Variants in ANKRD30BL observed in about 807,000 individuals in gnomAD.
ANKRD30BL encodes the protein putative ankyrin repeat domain-containing protein 30B-like.
In ANKRD30BL, 20 loss-of-function variants were observed where a neutral mutation model predicts 18.4. The ratio of observed to expected loss-of-function variants is 1.09; its 90% CI spans 0.77 to 1.58. ANKRD30BL has a LOEUF of 1.58. ANKRD30BL is among the 40% of genes most tolerant of loss of function. The pLI, the probability that ANKRD30BL is intolerant of heterozygous loss-of-function variation, is 0.00. For missense variants in ANKRD30BL, 224 were observed against 268.6 expected (o/e 0.83, Z 1.16); for synonymous variants, 72 against 100.9 (o/e 0.71, Z 1.72).
chr2:132,223,999 TTC>T (rs1679771246), intron 1 of ANKRD30BL, among the ~76,000 whole-genome samples: 3 of 152,090 alleles, frequency 2.0e-5, no homozygotes, highest in African/African-American at 7.2e-5. Flanking sequence ...TCTCAGAAAC[TTC>T]TTTGTGATGT....
intron 1 of ANKRD30BL, among the ~76,000 whole-genome samples, chr2:132,170,436 TGCAAACTTCCCGA>T (rs1462308313): frequency 6.6e-6 from 1 of 152,206 alleles, no homozygotes; most frequent in Non-Finnish European, 1.5e-5. Flanking sequence ...TCCTCCCCGC[TGCAAACTTCCCGA>T]GGCTCCACCT....
chr2:132,210,661 C>A (rs1350715649), intron 1 of ANKRD30BL, among the ~76,000 whole-genome samples: 1 of 151,328 alleles, frequency 6.6e-6, no homozygotes, highest in Non-Finnish European at 1.5e-5. Flanking sequence ...GTGGAATGAG[C>A]AAGTGGATAT....
intron 1 of ANKRD30BL, among the ~76,000 whole-genome samples, chr2:132,207,180 A>T (rs1679227766): frequency 1.3e-5 from 2 of 152,132 alleles, no homozygotes; most frequent in South Asian, 4.2e-4. Flanking sequence ...CCACAAAAGG[A>T]GGGGAGCCGC....
chr2:132,210,020 A>T (rs1679303287), intron 1 of ANKRD30BL, among the ~76,000 whole-genome samples: 1 of 151,796 alleles, frequency 6.6e-6, no homozygotes, highest in African/African-American at 2.4e-5. Context: ...GTGGAAAAGG[A>T]AGTATCTTCA....
intron 1 of ANKRD30BL, among the ~76,000 whole-genome samples, chr2:132,223,270 C>T (rs558667926): frequency 3.6e-4 from 54 of 151,656 alleles, no homozygotes; most frequent in South Asian, 1.5e-3. Flanking sequence ...TCGTTTGAAA[C>T]GGAAATATAT....
intron 1 of ANKRD30BL, among the ~76,000 whole-genome samples, chr2:132,257,296 G>A (rs368143235): frequency 1.4e-5 from 2 of 147,900 alleles, no homozygotes; most frequent in African/African-American, 5.0e-5. Flanking sequence ...ACCGGTCGCT[G>A]CTCTGCAGGG....
chr2:132,180,166 C>T (rs1241816422), intron 1 of ANKRD30BL, among the ~76,000 whole-genome samples: 1 of 151,672 alleles, frequency 6.6e-6, no homozygotes, highest in Non-Finnish European at 1.5e-5. Flanking sequence ...TTACCCAGAG[C>T]AATTTCCAGC....
upstream of ANKRD30BL, among the ~76,000 whole-genome samples, chr2:132,164,894 C>A (rs990610116): frequency 2.6e-5 from 4 of 152,060 alleles, no homozygotes; most frequent in Admixed American, 2.0e-4. Context: ...CACGGTGAAA[C>A]CCCGTCTCTA....
intron 1 of ANKRD30BL, among the ~76,000 whole-genome samples, chr2:132,231,079 G>A (rs537035820): frequency 4.0e-5 from 6 of 151,332 alleles, no homozygotes; most frequent in Non-Finnish European, 8.8e-5. Context: ...GAAAGAGCAG[G>A]TTTGAAACAC....
At chr2:132,243,782 C>T (rs550736137) in intron 1 of ANKRD30BL, among the ~76,000 whole-genome samples, 8 of 151,762 alleles carry the variant, frequency 5.3e-5, no homozygotes, top group Non-Finnish European at 1.2e-4. Context: ...CTATGTGATG[C>T]TTGCATTCAA....
intron 1 of ANKRD30BL, among the ~76,000 whole-genome samples, chr2:132,225,373 G>A (rs79172303): frequency 6.6e-6 from 1 of 151,988 alleles, no homozygotes; most frequent in African/African-American, 2.4e-5. Flanking sequence ...TGTGATGTTT[G>A]CCTTAAACTC....
At chr2:132,256,130 C>T (rs991895856) in intron 1 of ANKRD30BL, among the ~76,000 whole-genome samples, 4 of 152,220 alleles carry the variant, frequency 2.6e-5, no homozygotes, top group African/African-American at 4.8e-5. Flanking sequence ...ACCAGCCCTG[C>T]GTACTTAGAC....
At chr2:132,257,722 G>C (rs1680906760) in exon 1 of ANKRD30BL, 1 of 154,006 alleles carries the variant, frequency 6.5e-6, no homozygotes, top group South Asian at 2.0e-4. Context: ...CGGGCCCGCA[G>C]AGGCGCTCAG....
At chr2:132,248,800 A>G (rs34276541) in intron 1 of ANKRD30BL, among the ~76,000 whole-genome samples, 236 of 135,670 alleles carry the variant, frequency 1.7e-3, no homozygotes, top group East Asian at 3.1e-3. Flanking sequence ...CTTTTTCACC[A>G]TAGGCCTCAG....
chr2:132,199,893 C>T (rs1416258054), intron 1 of ANKRD30BL, among the ~76,000 whole-genome samples: 2 of 152,096 alleles, frequency 1.3e-5, no homozygotes, highest in Middle Eastern at 3.2e-3. Flanking sequence ...CCTTGATGAA[C>T]ATTGATGCAA....
At chr2:132,188,480 G>A (rs1678760272) in intron 1 of ANKRD30BL, among the ~76,000 whole-genome samples, 1 of 152,212 alleles carries the variant, frequency 6.6e-6, no homozygotes, top group Non-Finnish European at 1.5e-5. Context: ...ACTTTGGGAG[G>A]CTGAGGCGGG....
At chr2:132,169,951 ATTGTT>A (rs1208715402) in intron 1 of ANKRD30BL, among the ~76,000 whole-genome samples, 1 of 152,112 alleles carries the variant, frequency 6.6e-6, no homozygotes, top group Admixed American at 6.5e-5. Context: ...TTTAAATCTC[ATTGTT>A]TTAAGGATTT....
chr2:132,185,042 G>A (rs538756653), intron 1 of ANKRD30BL, among the ~76,000 whole-genome samples: 1 of 152,088 alleles, frequency 6.6e-6, no homozygotes, highest in Non-Finnish European at 1.5e-5. Context: ...TCGATCTCCT[G>A]ACCTCGTGAT....
chr2:132,221,862 G>C (rs1359281281), intron 1 of ANKRD30BL, among the ~76,000 whole-genome samples: 70 of 125,802 alleles, frequency 5.6e-4, no homozygotes, highest in Admixed American at 1.2e-3. Flanking sequence ...CGTCCGGGAG[G>C]GGGGAGGGGG....
Sources: allele counts gnomAD v4.1 joint callset (sites outside exome capture counted in the v4.1 genomes callset), GRCh38; gene constraint gnomAD v4.1.1; transcripts MANE v1.5; gene names NCBI Gene and HGNC (gene_info 2026-07-23, HGNC 2026-07-21).